The following SLC6A15 variants were observed in gnomAD, a reference collection of about 807,000 sequenced individuals.
The protein encoded by SLC6A15 is solute carrier family 6 member 15.
A neutral mutation model predicts 68.5 loss-of-function variants in SLC6A15; 33 were observed. The ratio of observed to expected loss-of-function variants is 0.48; its 90% CI spans 0.37 to 0.64. The LOEUF (loss-of-function observed/expected upper bound fraction) is 0.64, where lower values mean the gene tolerates loss of function less well. Ranked by LOEUF, SLC6A15 falls within the 30% of genes least tolerant of loss-of-function variation. The pLI is 0.00. For missense variants in SLC6A15, 747 were observed against 874.3 expected (o/e 0.85, Z 1.84); for synonymous variants, 347 against 301.0 (o/e 1.15, Z -1.58).
chr12:84,863,531 T>C lies in SLC6A15; in HGVS notation c.1726A>G (p.Ile576Val). 1 of 1,596,206 alleles carries C rather than the reference T, an allele frequency of 6.3e-7. No individual in the cohort carries two copies. Among genetic ancestry groups the C allele is most frequent in the Non-Finnish European group, 8.5e-7 (1 of 1,173,252 alleles). Residue 576 changes from isoleucine to valine, a missense_variant, in exon 11 of 12, where the codon ATT becomes GTT. Ile to Val is a conservative substitution (Grantham distance 29). Coordinates refer to ENST00000266682, the MANE Select transcript of SLC6A15 (RefSeq NM_182767.6). The stretch of plus-strand genomic sequence containing the variant: ...AATGATAATAGCATTAGAGGAGAAA[T>C]ATATTTCCACATATAGTAGTAATAT... ...SRYYYYMWKYISPLMLLSLLI... is the reference protein window; with the variant it reads ...SRYYYYMWKYVSPLMLLSLLI...
chr12:84,899,953 C>T (rs1440351405), intron 1 of SLC6A15, among the ~76,000 whole-genome samples: 11 of 152,024 alleles, frequency 7.2e-5, no homozygotes, highest in Admixed American at 7.2e-4. Context: ...GATTGTTTCA[C>T]CTATTCTAGG....
At chr12:84,908,611 T>C (rs1369091358) in intron 1 of SLC6A15, among the ~76,000 whole-genome samples, 3 of 148,932 alleles carry the variant, frequency 2.0e-5, no homozygotes, top group Non-Finnish European at 4.5e-5. Context: ...CATATATATA[T>C]ATATATATAT....
chr12:84,885,836 G>T, intron 3 of SLC6A15, 75 bp downstream of exon 3: 1 of 1,406,502 alleles, frequency 7.1e-7, no homozygotes, highest in Non-Finnish European at 9.6e-7. Context: ...ACACTCCAAA[G>T]TTTCATTTAA....
At chr12:84,905,288 TA>T (rs1873089419) in intron 1 of SLC6A15, among the ~76,000 whole-genome samples, 1 of 152,166 alleles carries the variant, frequency 6.6e-6, no homozygotes, top group Middle Eastern at 3.2e-3. Context: ...TGATATACAA[TA>T]ATGACAGGCT....
chr12:84,882,079 G>A (rs1592601737), intron 5 of SLC6A15: 1 of 985,360 alleles, frequency 1.0e-6, no homozygotes, highest in South Asian at 4.7e-5. Flanking sequence ...TCTGTGATAA[G>A]AAAAGGATGA....
At chr12:84,887,307 G>A (rs902477846) in intron 2 of SLC6A15, among the ~76,000 whole-genome samples, 3 of 152,004 alleles carry the variant, frequency 2.0e-5, no homozygotes, top group South Asian at 2.1e-4. Flanking sequence ...TATTCGAATC[G>A]TCTTAATGGA....
At chr12:84,864,354 C>T (rs1592590776) in intron 10 of SLC6A15, among the ~76,000 whole-genome samples, 2 of 147,468 alleles carry the variant, frequency 1.4e-5, no homozygotes, top group African/African-American at 5.0e-5. Flanking sequence ...AGAGTCTCAC[C>T]TGTTGCCCAG....
At position 84,910,933 on chromosome 12, in the gene SLC6A15, G is replaced by A. The variant is rs1384522735; in HGVS notation, c.-189+1590C>T. On this transcript the variant is annotated intron_variant, in intron 1 of 11. Coordinates refer to ENST00000266682, the MANE Select transcript of SLC6A15 (RefSeq NM_182767.6). ...CTGTTGAGCCGCCCTCTTTCCGTGT[G>A]TGTGTGTGTGTGTGTGTGTGTCTTT... Among the ~76,000 whole-genome samples, 23 of 135,870 alleles carry A rather than the reference G, an allele frequency of 1.7e-4. 1 individual carries two copies. Among genetic ancestry groups the A allele is most frequent in the Admixed American group, 1.4e-3 (20 of 14,598 alleles). 89.1% of individuals were successfully genotyped at this position (135,870 alleles called of 152,430 possible).
At chr12:84,891,046 G>T (rs959831402) in intron 2 of SLC6A15, among the ~76,000 whole-genome samples, 2 of 152,028 alleles carry the variant, frequency 1.3e-5, no homozygotes, top group Non-Finnish European at 2.9e-5. Flanking sequence ...TATAGAATTA[G>T]CATCATATGT....
chr12:84,878,158 A>G (rs1346923787), intron 5 of SLC6A15, among the ~76,000 whole-genome samples: 3 of 152,250 alleles, frequency 2.0e-5, no homozygotes, highest in Non-Finnish European at 4.4e-5. Flanking sequence ...TAAGGAAAAA[A>G]TATGGATAAA....
chr12:84,898,374 T>A (rs1191401082), intron 1 of SLC6A15, among the ~76,000 whole-genome samples: 4 of 152,064 alleles, frequency 2.6e-5, no homozygotes, highest in Non-Finnish European at 5.9e-5. Context: ...CAACTTATTA[T>A]ATAAAAGAGG....
chr12:84,876,552 C>T lies in SLC6A15; in HGVS notation c.812G>A (p.Arg271Lys). 1 of 1,599,586 alleles carries T rather than the reference C, an allele frequency of 6.3e-7. No individual in the cohort carries two copies. Among genetic ancestry groups the T allele is most frequent in the Non-Finnish European group, 8.5e-7 (1 of 1,173,570 alleles). Residue 271 changes from arginine to lysine, a missense_variant, in exon 6 of 12, where the codon AGA (arginine) becomes AAA (lysine). Physicochemically the swap from Arg to Lys is conservative, Grantham distance 26. Coordinates refer to ENST00000266682, the MANE Select transcript of SLC6A15 (RefSeq NM_182767.6). ...PYVVLICFLI[R>K]AFLLNGSIDG... ...AATTGAACCATTTAAAAGGAATGCT[C>T]TGATGAGGAAGCAAATAAGTACCAC...
rs1470170950 is a variant in SLC6A15 at position 84,883,900 on chromosome 12, C to G, written c.715G>C (p.Val239Leu). 6.2e-7 allele frequency: 1 copy of G among 1,613,952 alleles called. No individual in the cohort carries two copies. Among genetic ancestry groups the G allele is most frequent in the African/African-American group, 1.3e-5 (1 of 74,926 alleles). The part of the protein sequence containing the change: ...TICLLAAWVM[V>L]CLAMIKGIQS... ...ATGCCTTTGATCATAGCCAAGCAAA[C>G]CATGACCCAGGCAGCCAACAAGCAG... Residue 239 changes from valine to leucine, a missense_variant, in exon 5 of 12, where the codon GTT (valine) becomes CTT (leucine). Coordinates refer to ENST00000266682, the MANE Select transcript of SLC6A15 (RefSeq NM_182767.6).
chr12:84,861,492 A>C lies in SLC6A15; in HGVS notation c.*140T>G. ...AAAAGAATGCTCAAGTTGAACTGAC[A>C]TATACTGTTAGGATTAAAGATCACA... On this transcript the variant is annotated 3_prime_UTR_variant, in exon 12 of 12. Coordinates refer to ENST00000266682, the MANE Select transcript of SLC6A15 (RefSeq NM_182767.6). 1 of 941,226 alleles carries C rather than the reference A, an allele frequency of 1.1e-6. No individual in the cohort carries two copies. Among genetic ancestry groups the C allele is most frequent in the Non-Finnish European group, 1.6e-6 (1 of 628,004 alleles). 58.3% of individuals were successfully genotyped at this position (941,226 alleles called of 1,614,324 possible). A position where few individuals can be genotyped will look rare whatever the true frequency, so the allele number is the denominator to read the frequency against.
Position 84,882,446 on chromosome 12 carries a change from T to C in SLC6A15, c.756+1413A>G, listed in dbSNP as rs796288043. On this transcript the variant is annotated intron_variant, in intron 5 of 11. Transcript: ENST00000266682. ...TTCAAAAGACAAAATGATACAGAGTTTCCTTCAGGAAGATAAATGTAAAAT... is the reference window on the plus strand; with the variant it reads ...TTCAAAAGACAAAATGATACAGAGTCTCCTTCAGGAAGATAAATGTAAAAT... 8.3e-6 allele frequency: 8 copies of C among 963,462 alleles called. 1 individual carries two copies. The African/African-American group carries it at 1.1e-4, about 13-fold the overall frequency. The allele number at this position is 963,462 out of a possible 1,614,324, so 59.7% of individuals were successfully genotyped here.
intron 1 of SLC6A15, among the ~76,000 whole-genome samples, chr12:84,906,756 ATC>A (rs1423964739): frequency 6.6e-6 from 1 of 152,232 alleles, no homozygotes; most frequent in Non-Finnish European, 1.5e-5. Flanking sequence ...CTGAACCTAA[ATC>A]TCATATCTTA....
intron 5 of SLC6A15, chr12:84,881,204 C>CTAGG (rs1412149274): frequency 6.5e-6 from 1 of 154,932 alleles, no homozygotes; most frequent in Non-Finnish European, 1.4e-5. Context: ...GATTCTGTAA[C>CTAGG]TAGGGCACAT....
intron 5 of SLC6A15, among the ~76,000 whole-genome samples, chr12:84,880,278 A>AAT (rs1317406302): frequency 6.6e-6 from 1 of 152,172 alleles, no homozygotes; most frequent in Non-Finnish European, 1.5e-5. Flanking sequence ...AGGTTACTTA[A>AAT]ATATCTGTGT....
At chr12:84,876,158 A>G (rs377329932) in intron 6 of SLC6A15, among the ~76,000 whole-genome samples, 1 of 151,910 alleles carries the variant, frequency 6.6e-6, no homozygotes, top group East Asian at 1.9e-4. Flanking sequence ...AAGGTTAAAA[A>G]CCACTAAAAT....
Sources: allele counts gnomAD v4.1 joint callset (sites outside exome capture counted in the v4.1 genomes callset), GRCh38; gene constraint gnomAD v4.1.1; transcripts MANE v1.5; gene names NCBI Gene and HGNC (gene_info 2026-07-23, HGNC 2026-07-21).